DPP6: variants seen among roughly 807,000 people sequenced by gnomAD.
The protein encoded by DPP6 is A-type potassium channel modulatory protein DPP6.
A neutral mutation model predicts 122.6 loss-of-function variants in DPP6; 69 were observed. That is an observed-to-expected ratio of 0.56 (90% CI 0.46 to 0.69). The LOEUF is 0.69. DPP6 is among the 30% of genes least tolerant of loss of function. The pLI, the probability that DPP6 is intolerant of heterozygous loss-of-function variation, is 0.00. For missense variants in DPP6, 928 were observed against 1,116.9 expected, an observed-to-expected ratio of 0.83 and a Z score of 2.41; for synonymous variants, 418 against 433.1, an observed-to-expected ratio of 0.97 and a Z score of 0.43.
chr7:154,680,860 G>A (rs531187592), intron 7 of DPP6, among the ~76,000 whole-genome samples: 20 of 152,230 alleles, frequency 1.3e-4, no homozygotes, highest in African/African-American at 3.4e-4. Flanking sequence ...TCACAGTGCC[G>A]TTAATTCCAC....
chr7:154,012,443 G>T (rs2533861), intron 1 of DPP6, among the ~76,000 whole-genome samples: 1 of 152,052 alleles, frequency 6.6e-6, no homozygotes, highest in African/African-American at 2.4e-5. Flanking sequence ...AATGCACAAA[G>T]AACAAAGGGA....
rs555980665 is a variant in DPP6 at position 153,909,676 on chromosome 7, G to A, written c.51+21942G>A. Among the ~76,000 whole-genome samples, 4 of 152,276 alleles carry A rather than the reference G, an allele frequency of 2.6e-5. No individual in the cohort carries two copies. The South Asian group carries it at 8.3e-4, about 32-fold the overall frequency. On this transcript the variant is annotated intron_variant, in intron 1 of 25. Transcript: ENST00000404039. ...GTGGTCAGTTCCCACTTAAGTCTCTGAAGGAGCTCAGGAAATGACACCCCA... is the reference window on the plus strand; with the variant it reads ...GTGGTCAGTTCCCACTTAAGTCTCTAAAGGAGCTCAGGAAATGACACCCCA...
chr7:154,469,204 C>T (rs965840720), intron 2 of DPP6, among the ~76,000 whole-genome samples: 3 of 151,636 alleles, frequency 2.0e-5, no homozygotes, highest in Admixed American at 1.3e-4. Flanking sequence ...GAAAGTAAAA[C>T]ACACACACAC....
At chr7:154,884,355 C>CAT (rs1805883887) in intron 21 of DPP6, 1 of 141,856 alleles carries the variant, frequency 7.0e-6, no homozygotes, top group African/African-American at 2.6e-5. Flanking sequence ...CTCACACACA[C>CAT]ATGCTCACAC....
At chr7:153,821,214 G>C in the DPP6 span, among the ~76,000 whole-genome samples, 1 of 151,992 alleles carries the variant, frequency 6.6e-6, no homozygotes, top group African/African-American at 2.4e-5. Context: ...CACTTAATAA[G>C]CAACTATAGA....
upstream of DPP6, among the ~76,000 whole-genome samples, chr7:154,049,787 A>G (rs1055767065): frequency 4.7e-5 from 7 of 149,084 alleles, no homozygotes; most frequent in Admixed American, 3.3e-4. Flanking sequence ...GGGTTTCACC[A>G]TGTTGGCCAG....
At chr7:154,129,618 G>A (rs543516664) in intron 1 of DPP6, among the ~76,000 whole-genome samples, 78 of 152,308 alleles carry the variant, frequency 5.1e-4, no homozygotes, top group Non-Finnish European at 7.3e-4. Context: ...AAAAATTAGC[G>A]GCCGGGCACA....
At chr7:153,832,452 G>A in the DPP6 span, among the ~76,000 whole-genome samples, 1 of 152,306 alleles carries the variant, frequency 6.6e-6, no homozygotes, top group South Asian at 2.1e-4. Context: ...TGAGTCTGAT[G>A]ATACAGATGT....
the DPP6 span, among the ~76,000 whole-genome samples, chr7:153,804,655 G>A: frequency 6.6e-6 from 1 of 152,186 alleles, no homozygotes; most frequent in Middle Eastern, 3.4e-3. Context: ...AGCACTTTGG[G>A]AGACTGAGGT....
intron 16 of DPP6, among the ~76,000 whole-genome samples, chr7:154,845,728 G>T (rs920381891): frequency 2.0e-5 from 3 of 152,206 alleles, no homozygotes; most frequent in Admixed American, 2.0e-4. Flanking sequence ...ACCCATTAGA[G>T]TGGTTTTAAA....
chr7:154,564,394 G>T (rs2130507237), intron 4 of DPP6, among the ~76,000 whole-genome samples: 1 of 152,238 alleles, frequency 6.6e-6, no homozygotes, highest in South Asian at 2.1e-4. Flanking sequence ...AAAAACTAAT[G>T]AGGCATGTTT....
chr7:154,292,296 C>T (rs1279787892), intron 1 of DPP6, among the ~76,000 whole-genome samples: 1 of 152,164 alleles, frequency 6.6e-6, no homozygotes, highest in East Asian at 1.9e-4. Context: ...TGACTGTTCT[C>T]TGTCATCCCA....
intron 1 of DPP6, among the ~76,000 whole-genome samples, chr7:154,264,426 C>T (rs755380689): frequency 3.9e-5 from 6 of 151,930 alleles, no homozygotes; most frequent in Admixed American, 3.9e-4. Context: ...AATCCTTGCT[C>T]AACTTTTAAT....
At chr7:153,867,448 G>C in the DPP6 span, among the ~76,000 whole-genome samples, 1 of 151,274 alleles carries the variant, frequency 6.6e-6, no homozygotes, top group Non-Finnish European at 1.5e-5. Flanking sequence ...TTGGCCCTCT[G>C]TTTGTCTGTT....
At chr7:154,882,285 C>T (rs1805451306) in intron 21 of DPP6, among the ~76,000 whole-genome samples, 1 of 152,236 alleles carries the variant, frequency 6.6e-6, no homozygotes, top group South Asian at 2.1e-4. Context: ...CCTGTACCCC[C>T]GCACTCAGCT....
intron 1 of DPP6, among the ~76,000 whole-genome samples, chr7:154,045,631 G>T (rs1173876960): frequency 6.6e-6 from 1 of 152,184 alleles, no homozygotes. Flanking sequence ...ATAAATCACA[G>T]CTTTATTGTG....
the DPP6 span, among the ~76,000 whole-genome samples, chr7:153,828,295 G>A: frequency 6.6e-6 from 1 of 152,198 alleles, no homozygotes; most frequent in Non-Finnish European, 1.5e-5. Context: ...AGGAGAGAGG[G>A]CTTGTGGTGG....
At chr7:154,431,388 A>C (rs2151254843) in intron 1 of DPP6, among the ~76,000 whole-genome samples, 1 of 152,070 alleles carries the variant, frequency 6.6e-6, no homozygotes, top group Non-Finnish European at 1.5e-5. Context: ...CCAGCTCCAA[A>C]GGCTCAGATA....
intron 1 of DPP6, among the ~76,000 whole-genome samples, chr7:154,390,815 G>A (rs1472670864): frequency 2.6e-5 from 4 of 152,044 alleles, no homozygotes; most frequent in African/African-American, 2.4e-5. Flanking sequence ...GGTTCCACAC[G>A]GTCCTCTTCT....
Sources: allele counts gnomAD v4.1 joint callset (sites outside exome capture counted in the v4.1 genomes callset), GRCh38; gene constraint gnomAD v4.1.1; transcripts MANE v1.5; gene names NCBI Gene and HGNC (gene_info 2026-07-23, HGNC 2026-07-21).